The following DENND5B variants were observed in gnomAD, a reference collection of about 807,000 sequenced individuals.
DENND5B encodes DENN domain containing 5B, also known as DENN domain-containing protein 5B.
In DENND5B, 34 loss-of-function variants were observed where a neutral mutation model predicts 140.6. The observed-to-expected ratio is 0.24, with a 90% CI of 0.18 to 0.32. DENND5B has a LOEUF of 0.32. Ranked by LOEUF, DENND5B falls within the 10% of genes least tolerant of loss-of-function variation. DENND5B has a pLI of 1.00. For missense variants in DENND5B, 1,142 were observed against 1,560.2 expected (o/e 0.73, Z 4.52); for synonymous variants, 551 against 562.1 (o/e 0.98, Z 0.28).
At chr12:31,530,410 T>C (rs1025354604) in intron 1 of DENND5B, among the ~76,000 whole-genome samples, 3 of 152,132 alleles carry the variant, frequency 2.0e-5, no homozygotes, top group Non-Finnish European at 2.9e-5. Context: ...TGAATCAGTT[T>C]CAGGATTATT....
At chr12:31,476,781 C>G (rs1945833750) in intron 3 of DENND5B, among the ~76,000 whole-genome samples, 2 of 151,930 alleles carry the variant, frequency 1.3e-5, no homozygotes, top group South Asian at 4.2e-4. Context: ...ACAGTGAGAC[C>G]CCATCTCTAA....
intron 13 of DENND5B, among the ~76,000 whole-genome samples, chr12:31,412,730 G>C (rs1189411902): frequency 2.0e-5 from 3 of 152,064 alleles, no homozygotes; most frequent in South Asian, 4.2e-4. Flanking sequence ...CCTTTACTGG[G>C]ACCTCCTCAC....
intron 1 of DENND5B, among the ~76,000 whole-genome samples, chr12:31,519,178 T>C (rs1947789352): frequency 6.6e-6 from 1 of 152,236 alleles, no homozygotes; most frequent in South Asian, 2.1e-4. Context: ...TTCTGGGTGC[T>C]TGGTGATTAG....
intron 4 of DENND5B, among the ~76,000 whole-genome samples, chr12:31,458,979 G>A (rs1019956907): frequency 5.3e-5 from 8 of 152,244 alleles, no homozygotes; most frequent in East Asian, 1.9e-4. Flanking sequence ...TTGGGAGGCC[G>A]GGGCGGGCAG....
At chr12:31,581,162 A>G (rs80229880) in intron 1 of DENND5B, among the ~76,000 whole-genome samples, 3,343 of 152,166 alleles carry the variant, frequency 0.022, 117 homozygotes, top group African/African-American at 0.076. Context: ...ACAAATACCT[A>G]AAAGTTTGAA....
chr12:31,401,473 G>A (rs1195452606), intron 15 of DENND5B, among the ~76,000 whole-genome samples: 1 of 152,112 alleles, frequency 6.6e-6, no homozygotes, highest in Non-Finnish European at 1.5e-5. Context: ...CAAGGAACAT[G>A]AGAATGGGAC....
In DENND5B at chr12:31,517,438, G is replaced by A. The variant is rs190330549; in HGVS notation, c.128-21519C>T. Among the ~76,000 whole-genome samples the A allele has an allele frequency of 2.6e-5, 4 of 152,300 alleles. No individual in the cohort carries two copies. The South Asian group carries it at 6.2e-4, about 24-fold the overall frequency. ...TGCTGCCTTTGTCTTGAGACTTAAG[G>A]TGAAAACCATCTTAGCTGAGGTGAA... is the stretch of plus-strand genomic sequence containing the variant. On this transcript the variant is annotated intron_variant, in intron 1 of 20. Coordinates refer to ENST00000389082, the MANE Select transcript of DENND5B (RefSeq NM_144973.4).
intron 3 of DENND5B, among the ~76,000 whole-genome samples, chr12:31,462,623 T>TG (rs1193093833): frequency 5.3e-5 from 8 of 152,134 alleles, no homozygotes; most frequent in African/African-American, 1.9e-4. Flanking sequence ...CTAAATGTTA[T>TG]GTTTTTTTTC....
intron 1 of DENND5B, among the ~76,000 whole-genome samples, chr12:31,537,554 G>A (rs1412468811): frequency 1.3e-5 from 2 of 152,016 alleles, no homozygotes; most frequent in African/African-American, 2.4e-5. Flanking sequence ...GAGGAAGGAT[G>A]GAAGACAAGA....
intron 7 of DENND5B, among the ~76,000 whole-genome samples, chr12:31,436,471 G>C (rs987350967): frequency 1.3e-5 from 2 of 152,074 alleles, no homozygotes; most frequent in Non-Finnish European, 2.9e-5. Context: ...TTGATCCTTA[G>C]CTTACTCAAA....
chr12:31,403,896 C>CAAA (rs1443647468), intron 14 of DENND5B, among the ~76,000 whole-genome samples: 4 of 81,628 alleles, frequency 4.9e-5, no homozygotes, highest in African/African-American at 1.5e-4. Flanking sequence ...AACTCCATCT[C>CAAA]CAAAAAAAAA....
rs1001117456 is a variant in DENND5B, at chr12:31,447,975, TCTTAC to T, written c.1630-211_1630-207del. On this transcript the variant is annotated intron_variant, in intron 5 of 20. Transcript: ENST00000389082. ...ACGTCACTTAGGTCTTTAGCACTGA[TCTTAC>T]CTTACAAAATTTACATTCTGATCCT... Among the ~76,000 whole-genome samples the T allele has an allele frequency of 5.9e-5, 9 of 152,286 alleles. No individual in the cohort carries two copies. In the East Asian group the frequency reaches 1.3e-3, roughly 23 times the overall value.
chr12:31,501,814 T>G (rs1947017519), intron 1 of DENND5B, among the ~76,000 whole-genome samples: 1 of 150,338 alleles, frequency 6.7e-6, no homozygotes, highest in Non-Finnish European at 1.5e-5. Flanking sequence ...CTAAATAGAG[T>G]GTAGACTTTA....
intron 1 of DENND5B, among the ~76,000 whole-genome samples, chr12:31,537,934 G>C (rs1948558170): frequency 6.6e-6 from 1 of 152,148 alleles, no homozygotes; most frequent in African/African-American, 2.4e-5. Flanking sequence ...GCAAGAAGAT[G>C]TAACAATTGT....
At chr12:31,441,116 TCAGGTTG>T (rs1944009872) in intron 7 of DENND5B, among the ~76,000 whole-genome samples, 1 of 152,042 alleles carries the variant, frequency 6.6e-6, no homozygotes, top group African/African-American at 2.4e-5. Flanking sequence ...GCCAAGGAGT[TCAGGTTG>T]CTTGAGCCCA....
chr12:31,577,710 CAAAAAAAAAAAAAAAAAA>C (rs35015214), intron 1 of DENND5B, among the ~76,000 whole-genome samples: 2 of 70,506 alleles, frequency 2.8e-5, no homozygotes, highest in African/African-American at 1.1e-4. Flanking sequence ...GACTCTGTCT[CAAAAAAAAAAAAAAAAAA>C]AAAAAAAATC....
At chr12:31,407,538 C>A (rs1277238085) in intron 14 of DENND5B, among the ~76,000 whole-genome samples, 2 of 152,210 alleles carry the variant, frequency 1.3e-5, no homozygotes, top group East Asian at 3.8e-4. Context: ...ATTCCAATTC[C>A]CTTTTCCTTT....
intron 4 of DENND5B, 91 bp downstream of exon 4, chr12:31,460,102 TA>T: frequency 7.9e-7 from 1 of 1,268,128 alleles, no homozygotes; most frequent in Non-Finnish European, 1.1e-6. Flanking sequence ...AAGAGACAGA[TA>T]AAATTTTGAC....
intron 14 of DENND5B, among the ~76,000 whole-genome samples, chr12:31,407,200 G>T (rs1160485423): frequency 5.9e-5 from 9 of 151,532 alleles, no homozygotes; most frequent in Non-Finnish European, 1.3e-4. Context: ...GCGCAATCTC[G>T]GCTGACTGCA....
Sources: gnomAD v4.1 joint callset for allele counts (sites outside exome capture counted in the v4.1 genomes callset) on GRCh38, gnomAD v4.1.1 for gene constraint, MANE v1.5 for transcripts, NCBI Gene and HGNC (gene_info 2026-07-23, HGNC 2026-07-21) for gene names.